The following STAU2 variants were observed in gnomAD, a reference collection of about 807,000 sequenced individuals.
STAU2 encodes the protein staufen double-stranded RNA binding protein 2, also known as double-stranded RNA-binding protein Staufen homolog 2.
In STAU2, 20 loss-of-function variants were observed where a neutral mutation model predicts 65.9. That is an observed-to-expected ratio of 0.30 (90% confidence interval 0.21 to 0.44). The LOEUF (loss-of-function observed/expected upper bound fraction) is 0.44. STAU2 is among the 20% of genes least tolerant of loss of function. STAU2 has a pLI of 1.00. For missense variants in STAU2, 558 were observed against 683.9 expected (o/e 0.82, Z 2.05); for synonymous variants, 232 against 233.9 (o/e 0.99, Z 0.07).
chr8:73,640,635 C>T (rs1179806503), intron 6 of STAU2, among the ~76,000 whole-genome samples: 2 of 152,130 alleles, frequency 1.3e-5, no homozygotes, highest in Non-Finnish European at 2.9e-5. Flanking sequence ...ATAATTTCTA[C>T]ACATCACAAA....
intron 13 of STAU2, among the ~76,000 whole-genome samples, chr8:73,431,315 G>T (rs1817269503): frequency 6.6e-6 from 1 of 151,740 alleles, no homozygotes. Context: ...CCTACTAACT[G>T]GAATCTTAAA....
intron 13 of STAU2, among the ~76,000 whole-genome samples, chr8:73,525,215 G>C (rs1823286550): frequency 6.6e-6 from 1 of 152,056 alleles, no homozygotes; most frequent in South Asian, 2.1e-4. Flanking sequence ...ATGCAAATTT[G>C]TCATCTATAA....
At chr8:73,679,282 A>G (rs1043435714) in intron 5 of STAU2, among the ~76,000 whole-genome samples, 3 of 152,202 alleles carry the variant, frequency 2.0e-5, no homozygotes, top group African/African-American at 7.2e-5. Context: ...ATCAGGCAGG[A>G]CTAACTTGAG....
At chr8:73,745,001 T>C (rs1037686493) in intron 1 of STAU2, among the ~76,000 whole-genome samples, 3 of 152,204 alleles carry the variant, frequency 2.0e-5, no homozygotes, top group African/African-American at 4.8e-5. Context: ...TACAAAACAC[T>C]GGTTTTTATG....
intron 6 of STAU2, among the ~76,000 whole-genome samples, chr8:73,641,130 A>T (rs1416517523): frequency 1.3e-5 from 2 of 152,322 alleles, no homozygotes; most frequent in Non-Finnish European, 1.5e-5. Flanking sequence ...ATAGTATTAA[A>T]ATGTGGCCAA....
intron 6 of STAU2, among the ~76,000 whole-genome samples, chr8:73,647,325 C>T (rs1349893387): frequency 6.6e-6 from 1 of 152,108 alleles, no homozygotes; most frequent in Non-Finnish European, 1.5e-5. Context: ...TGAAGAAAAA[C>T]AAAACATCCC....
intron 6 of STAU2, among the ~76,000 whole-genome samples, chr8:73,642,190 T>C (rs1417905530): frequency 1.3e-5 from 2 of 152,180 alleles, no homozygotes; most frequent in African/African-American, 4.8e-5. Context: ...TTTCTCCTAC[T>C]GCTTCTCTAT....
chr8:73,603,620 C>G (rs1468260366), intron 10 of STAU2, 106 bp downstream of exon 10: 2 of 1,409,936 alleles, frequency 1.4e-6, no homozygotes, highest in South Asian at 1.5e-5. Context: ...TAACTGGAAA[C>G]AGTTTTACTT....
intron 12 of STAU2, among the ~76,000 whole-genome samples, chr8:73,572,377 G>C (rs1321985482): frequency 6.6e-6 from 1 of 152,150 alleles, no homozygotes; most frequent in Non-Finnish European, 1.5e-5. Context: ...GAAAAAGAGG[G>C]AATCCTCCCT....
At position 73,625,945 on chromosome 8, in the gene STAU2, G is replaced by A. The variant is rs542411557; in HGVS notation, c.411-8494C>T. On this transcript the variant is annotated intron_variant, in intron 6 of 14. Coordinates refer to ENST00000524300, the MANE Select transcript of STAU2 (RefSeq NM_001164380.2). ...TCTTCCTACTCTTGTCTAATTGCTAGGGGGGTATGTGAATTACATTAATAA... is the reference window on the plus strand; with the variant it reads ...TCTTCCTACTCTTGTCTAATTGCTAAGGGGGTATGTGAATTACATTAATAA... Among the ~76,000 whole-genome samples the A allele has an allele frequency of 3.3e-5, 5 of 152,158 alleles. No homozygotes were observed. The South Asian group carries it at 1.0e-3, about 32-fold the overall frequency.
rs187415867 is a variant in STAU2 at position 73,572,670 on chromosome 8, A to G, written c.1222+10100T>C. ...AAACCACGATTATCTCAATAGATGC[A>G]GAAAAGGCCTTTGACAAAATTCAAC... On this transcript the variant is annotated intron_variant, in intron 12 of 14. Transcript: ENST00000524300. Among the ~76,000 whole-genome samples, 773 of 152,382 alleles carry G rather than the reference A, an allele frequency of 5.1e-3. 11 individuals are homozygous for G. Among genetic ancestry groups the G allele is most frequent in the African/African-American group, 0.016 (675 of 41,600 alleles).
At chr8:73,532,099 C>T (rs1379138335) in intron 13 of STAU2, among the ~76,000 whole-genome samples, 1 of 152,068 alleles carries the variant, frequency 6.6e-6, no homozygotes, top group African/African-American at 2.4e-5. Flanking sequence ...TATGCGCAGT[C>T]ATTTTAGGCA....
chr8:73,613,917 C>T lies in STAU2; in HGVS notation c.718G>A (p.Val240Ile). 6.2e-7 allele frequency: 1 copy of T among 1,612,770 alleles called. No homozygotes were observed. Among genetic ancestry groups the T allele is most frequent in the Non-Finnish European group, 8.5e-7 (1 of 1,179,658 alleles). ...ESGPPHMKSFVTRVSVGEFSA... is the reference protein window; with the variant it reads ...ESGPPHMKSFITRVSVGEFSA... ...AACTCTCCTACTGACACTCGAGTAA[C>T]AAAGCTTTTCATATGTGGTGGTCCA... The change falls in exon 9 of 15, where the codon GTT becomes ATT. Residue 240 changes from valine (V) to isoleucine (I), a missense_variant. Physicochemically the swap from Val to Ile is conservative, Grantham distance 29. Transcript: ENST00000524300.
intron 13 of STAU2, among the ~76,000 whole-genome samples, chr8:73,525,333 C>A (rs1267976384): frequency 1.3e-5 from 2 of 152,200 alleles, no homozygotes; most frequent in Non-Finnish European, 2.9e-5. Flanking sequence ...CAGGTGTACA[C>A]TGCACACCTC....
rs745530507 is a variant in STAU2, at chr8:73,709,077, T to G, written c.69A>C (p.Gln23His). The G allele has an allele frequency of 4.6e-6, 7 of 1,532,940 alleles. No individual in the cohort carries two copies. In the South Asian group the frequency reaches 8.4e-5, roughly 18 times the overall value. The allele number at this position is 1,532,940 out of a possible 1,614,324, so 95.0% of individuals were successfully genotyped here. The change falls in exon 4 of 15, where the codon CAA becomes CAC. Residue 23 changes from glutamine to histidine, a missense_variant. Physicochemically the swap from Gln to His is conservative, Grantham distance 24. Around this residue, in one of 3 missense-constraint regions of STAU2, gnomAD observed 112 missense variants for 114.2 expected, o/e 0.98. Coordinates refer to ENST00000524300, the MANE Select transcript of STAU2 (RefSeq NM_001164380.2). ...VNELARFNRV[Q>H]PQYKLLNERG... is the part of the protein sequence containing the mutation. ...TTTCATTCAGAAGTTTATACTGGGG[T>G]TGGACTCTATTGAAACGGGCTAACT...
At chr8:73,556,407 G>A (rs1272807865) in intron 12 of STAU2, among the ~76,000 whole-genome samples, 2 of 151,908 alleles carry the variant, frequency 1.3e-5, no homozygotes, top group Non-Finnish European at 2.9e-5. Flanking sequence ...AATATCAGAC[G>A]CCCACAGAGA....
intron 6 of STAU2, among the ~76,000 whole-genome samples, chr8:73,643,796 A>T (rs1036316343): frequency 6.6e-5 from 10 of 152,362 alleles, no homozygotes; most frequent in African/African-American, 2.2e-4. Flanking sequence ...ATTATGGTGT[A>T]TTACTACAGC....
intron 12 of STAU2, among the ~76,000 whole-genome samples, chr8:73,571,749 T>C (rs978943918): frequency 6.6e-6 from 1 of 152,170 alleles, no homozygotes; most frequent in African/African-American, 2.4e-5. Flanking sequence ...TTTAAAGCAG[T>C]GTATAGAGGG....
At chr8:73,624,119 A>T (rs889943011) in intron 6 of STAU2, among the ~76,000 whole-genome samples, 1 of 152,212 alleles carries the variant, frequency 6.6e-6, no homozygotes, top group African/African-American at 2.4e-5. Flanking sequence ...TTTAAAAAAT[A>T]ATACGGTACA....
Sources: allele counts gnomAD v4.1 joint callset (sites outside exome capture counted in the v4.1 genomes callset), GRCh38; gene constraint gnomAD v4.1.1; regional missense constraint gnomAD v4.1.1; transcripts MANE v1.5; gene names NCBI Gene and HGNC (gene_info 2026-07-23, HGNC 2026-07-21).